The following GTF2E1 variants were observed in gnomAD, a reference collection of about 807,000 sequenced individuals.
GTF2E1 encodes TFIIE alpha subunit.
A neutral mutation model predicts 34.9 loss-of-function variants in GTF2E1; 14 were observed. That is an observed-to-expected ratio of 0.40 (90% CI 0.27 to 0.63). The LOEUF (loss-of-function observed/expected upper bound fraction) is 0.63, where lower values mean the gene tolerates loss of function less well. GTF2E1 is among the 20% of genes least tolerant of loss of function. The pLI, the probability that GTF2E1 is intolerant of heterozygous loss-of-function variation, is 0.39. For synonymous variants in GTF2E1, 188 were observed against 192.9 expected, an observed-to-expected ratio of 0.97 and a Z score of 0.21; for missense variants, 469 against 557.7, an observed-to-expected ratio of 0.84 and a Z score of 1.60.
At chr3:120,770,622 T>C in intron 2 of GTF2E1, 106 bp from the exon 3 acceptor site, 1 of 776,046 alleles carries the variant, frequency 1.3e-6, no homozygotes, top group East Asian at 2.6e-5. Flanking sequence ...CTTTCAACCT[T>C]TGTGTATATT....
chr3:120,766,155 CT>C (rs757963686), intron 2 of GTF2E1, among the ~76,000 whole-genome samples: 20 of 152,244 alleles, frequency 1.3e-4, no homozygotes, highest in African/African-American at 2.9e-4. Context: ...ATCAGAATTC[CT>C]TGTGTAACTT....
chr3:120,748,391 A>G (rs933057206), intron 1 of GTF2E1, among the ~76,000 whole-genome samples: 1 of 152,194 alleles, frequency 6.6e-6, no homozygotes, highest in Non-Finnish European at 1.5e-5. Flanking sequence ...TAGGTCTAAC[A>G]TTTAAGTCTT....
rs575876642 is a variant in GTF2E1 at position 120,751,176 on chromosome 3, G to A, written c.448+176G>A. On this transcript the variant is annotated intron_variant, in intron 2 of 4. Transcript: ENST00000283875. ...CTGTTTGGCTGTCGCACTACTTTGA[G>A]AAGCCTTTGCAAAGCGTTTCTCCTT... is the stretch of plus-strand genomic sequence containing the variant. The A allele has an allele frequency of 7.4e-6, 4 of 539,666 alleles. No homozygotes were observed. In the Admixed American group the frequency reaches 9.9e-5, roughly 13 times the overall value. 33.4% of individuals were successfully genotyped at this position (539,666 alleles called of 1,614,324 possible). A position where few individuals can be genotyped will look rare whatever the true frequency, so the allele number is the denominator to read the frequency against.
intron 2 of GTF2E1, among the ~76,000 whole-genome samples, chr3:120,761,427 C>A (rs1709262329): frequency 6.6e-6 from 1 of 152,090 alleles, no homozygotes. Flanking sequence ...TCCTTCAGTT[C>A]TGCTCTGATC....
intron 1 of GTF2E1, among the ~76,000 whole-genome samples, chr3:120,744,760 G>A: frequency 6.6e-6 from 1 of 151,946 alleles, no homozygotes; most frequent in Non-Finnish European, 1.5e-5. Context: ...TCACTCACTT[G>A]AGTCCGTTCC....
In GTF2E1 at chr3:120,742,770, T is replaced by A; in HGVS notation, c.-55T>A. The A allele has an allele frequency of 1.9e-6, 1 of 532,786 alleles. No individual in the cohort carries two copies. Among genetic ancestry groups the A allele is most frequent in the Non-Finnish European group, 3.4e-6 (1 of 294,914 alleles). 33.0% of individuals were successfully genotyped at this position (532,786 alleles called of 1,614,324 possible). A position where few individuals can be genotyped will look rare whatever the true frequency, so the allele number is the denominator to read the frequency against. ...GTTGAAGCGCTGGGGGCAGCTGTAG[T>A]GGGAGTGTTCCAGGATTCGCCTTGG... On this transcript the variant is annotated 5_prime_UTR_variant, in exon 1 of 5. Transcript: ENST00000283875.
chr3:120,760,654 A>G (rs891132716), intron 2 of GTF2E1, among the ~76,000 whole-genome samples: 1 of 152,166 alleles, frequency 6.6e-6, no homozygotes, highest in South Asian at 2.1e-4. Context: ...AATTTTGTCA[A>G]AGACCTTTTC....
chr3:120,766,161 T>C (rs528257353), intron 2 of GTF2E1, among the ~76,000 whole-genome samples: 6 of 152,302 alleles, frequency 3.9e-5, no homozygotes, highest in East Asian at 1.9e-4. Flanking sequence ...ATTCCTTGTG[T>C]AACTTTAAAA....
intron 1 of GTF2E1, 64 bp from the exon 2 acceptor site, chr3:120,750,459 G>A: frequency 1.1e-6 from 1 of 938,640 alleles, no homozygotes; most frequent in South Asian, 1.6e-5. Context: ...GGCACTGCAA[G>A]GATAGTGGAT....
intron 3 of GTF2E1, among the ~76,000 whole-genome samples, chr3:120,773,182 G>T (rs1429886686): frequency 6.6e-6 from 1 of 152,054 alleles, no homozygotes; most frequent in Non-Finnish European, 1.5e-5. Context: ...ATGTTACCCA[G>T]GTTATAATGT....
At chr3:120,744,575 A>G (rs1709088775) in intron 1 of GTF2E1, among the ~76,000 whole-genome samples, 1 of 152,180 alleles carries the variant, frequency 6.6e-6, no homozygotes, top group African/African-American at 2.4e-5. Context: ...CTGGCTCAAA[A>G]CAGAGAGCTA....
At chr3:120,775,347 C>T (rs1459235651) in intron 3 of GTF2E1, among the ~76,000 whole-genome samples, 1 of 152,116 alleles carries the variant, frequency 6.6e-6, no homozygotes, top group Non-Finnish European at 1.5e-5. Context: ...CCAGGTCAGT[C>T]ATGGACACTG....
At chr3:120,744,623 A>G (rs988743219) in intron 1 of GTF2E1, among the ~76,000 whole-genome samples, 14 of 152,002 alleles carry the variant, frequency 9.2e-5, no homozygotes, top group Admixed American at 7.2e-4. Context: ...TGTATCCAAT[A>G]TATTTTGTTG....
At position 120,770,856 on chromosome 3, in the gene GTF2E1, G is replaced by T; in HGVS notation, c.577G>T (p.Glu193Ter). ...TGAGCCCATTTATGCATTGCTTCGG[G>T]AGACAGAGGATGTGAACTTGGCCTA... Reference protein sequence around the residue: ...QIEPIYALLRETEDVNLAYEI... With the variant: ...QIEPIYALLR Residue 193 changes from glutamate to a stop codon, truncating the protein, a stop_gained, in exon 3 of 5, where the codon GAG (glutamate) becomes TAG (stop). Transcript: ENST00000283875. LOFTEE classifies it high-confidence loss of function. 6.2e-7 allele frequency: 1 copy of T among 1,613,674 alleles called. No individual in the cohort carries two copies. The highest frequency in any genetic ancestry group is 8.5e-7 in the Non-Finnish European group (1 of 1,179,672).
At chr3:120,769,666 C>T (rs1011019022) in intron 2 of GTF2E1, among the ~76,000 whole-genome samples, 6 of 152,082 alleles carry the variant, frequency 3.9e-5, no homozygotes, top group African/African-American at 9.7e-5. Context: ...TGTTCTCAGA[C>T]GCAATTCCAC....
chr3:120,762,109 T>C (rs868267016), intron 2 of GTF2E1, among the ~76,000 whole-genome samples: 9 of 152,122 alleles, frequency 5.9e-5, no homozygotes, highest in African/African-American at 2.2e-4. Flanking sequence ...TCTTTTACAT[T>C]TGTTGCAGAG....
chr3:120,764,137 T>G (rs903721872), intron 2 of GTF2E1, among the ~76,000 whole-genome samples: 5 of 152,182 alleles, frequency 3.3e-5, no homozygotes. Context: ...AGGCCTACCC[T>G]GAGTTTCCTA....
intron 2 of GTF2E1, among the ~76,000 whole-genome samples, chr3:120,758,974 T>C (rs1010307273): frequency 2.6e-5 from 4 of 152,210 alleles, no homozygotes; most frequent in Admixed American, 6.5e-5. Flanking sequence ...TTTCTAGTTC[T>C]AGATCCTTGA....
rs71133517 is a variant in GTF2E1, at chr3:120,781,715, CTTTTTT to C, written c.*256_*261del. On this transcript the variant is annotated 3_prime_UTR_variant, in exon 5 of 5. Coordinates refer to ENST00000283875, the MANE Select transcript of GTF2E1 (RefSeq NM_005513.3). ...TTAATATTTTACTGTATTTTCTTTT[CTTTTTT>C]TTTTTTTTTTGGAGATGAAGTCTCA... The C allele has an allele frequency of 1.3e-5, 3 of 224,614 alleles. No individual in the cohort carries two copies. Among genetic ancestry groups the C allele is most frequent in the Non-Finnish European group, 1.7e-5 (2 of 120,108 alleles). The allele number at this position is 224,614 out of a possible 1,614,324, so 13.9% of individuals were successfully genotyped here. A position where few individuals can be genotyped will look rare whatever the true frequency, so the allele number is the denominator to read the frequency against.
Sources: gnomAD v4.1 joint callset for allele counts (sites outside exome capture counted in the v4.1 genomes callset) on GRCh38, gnomAD v4.1.1 for gene constraint, MANE v1.5 for transcripts, NCBI Gene and HGNC (gene_info 2026-07-23, HGNC 2026-07-21) for gene names.